The following PIK3CB variants were observed in gnomAD, a reference collection of about 807,000 sequenced individuals.
PIK3CB encodes the protein phosphatidylinositol 4,5-bisphosphate 3-kinase catalytic subunit beta isoform.
In PIK3CB, 39 loss-of-function variants were observed where a neutral mutation model predicts 136.8. The ratio of observed to expected loss-of-function variants is 0.29; its 90% CI spans 0.22 to 0.37. The LOEUF (loss-of-function observed/expected upper bound fraction) is 0.37, where lower values mean the gene tolerates loss of function less well. Ranked by LOEUF, PIK3CB falls within the 10% of genes least tolerant of loss-of-function variation. PIK3CB has a pLI of 1.00. For synonymous variants in PIK3CB, 428 were observed against 436.6 expected (o/e 0.98, Z 0.25); for missense variants, 868 against 1,275.4 (o/e 0.68, Z 4.87).
intron 8 of PIK3CB, among the ~76,000 whole-genome samples, chr3:138,724,861 T>G: frequency 6.6e-6 from 1 of 152,220 alleles, no homozygotes; most frequent in East Asian, 1.9e-4. Flanking sequence ...GGTAGCTTTG[T>G]TCTGACTTAT....
intron 4 of PIK3CB, among the ~76,000 whole-genome samples, chr3:138,755,396 C>T (rs182131869): frequency 1.7e-3 from 254 of 152,274 alleles, no homozygotes; most frequent in Admixed American, 3.1e-3. Flanking sequence ...AATCCCAGCA[C>T]TTTGGGGGGC....
intron 10 of PIK3CB, among the ~76,000 whole-genome samples, chr3:138,710,060 A>T: frequency 6.7e-6 from 1 of 149,598 alleles, no homozygotes; most frequent in East Asian, 2.0e-4. Flanking sequence ...GTGGTGGCGT[A>T]TGCCTATAGT....
At chr3:138,758,586 G>A (rs1020543281) in intron 3 of PIK3CB, among the ~76,000 whole-genome samples, 1 of 152,148 alleles carries the variant, frequency 6.6e-6, no homozygotes, top group Non-Finnish European at 1.5e-5. Context: ...GAAGAAGCTT[G>A]GAAAGGAGTT....
intron 2 of PIK3CB, among the ~76,000 whole-genome samples, chr3:138,790,506 T>C (rs2046035786): frequency 6.6e-6 from 1 of 151,680 alleles, no homozygotes; most frequent in African/African-American, 2.4e-5. Context: ...TCACCAATTT[T>C]TTTTTTTAAA....
chr3:138,732,604 G>A (rs2045007161), intron 8 of PIK3CB, among the ~76,000 whole-genome samples: 1 of 151,698 alleles, frequency 6.6e-6, no homozygotes, highest in African/African-American at 2.4e-5. Flanking sequence ...TAAATGTATG[G>A]GATTGAGCAA....
intron 18 of PIK3CB, among the ~76,000 whole-genome samples, chr3:138,682,365 A>C (rs2108482180): frequency 1.3e-5 from 2 of 152,098 alleles, no homozygotes; most frequent in Non-Finnish European, 2.9e-5. Context: ...TGGCCCTACT[A>C]CTCCCATAAG....
intron 1 of PIK3CB, among the ~76,000 whole-genome samples, chr3:138,801,532 G>C (rs2046175503): frequency 6.6e-6 from 1 of 151,708 alleles, no homozygotes; most frequent in Non-Finnish European, 1.5e-5. Flanking sequence ...GGAGTTAGAG[G>C]ACAGCCTGGA....
chr3:138,775,664 T>C (rs2045849486), intron 2 of PIK3CB, among the ~76,000 whole-genome samples: 1 of 152,170 alleles, frequency 6.6e-6, no homozygotes, highest in South Asian at 2.1e-4. Context: ...ACTGCCTCAC[T>C]GCCCCAGCCT....
At position 138,831,698 on chromosome 3, in the gene PIK3CB, G is replaced by A. The variant is rs184762208; in HGVS notation, c.-122+2997C>T. On this transcript the variant is annotated intron_variant, in intron 1 of 23. Coordinates refer to ENST00000674063, the MANE Select transcript of PIK3CB (RefSeq NM_006219.3). Reference sequence around the variant, plus strand: ...TCCCAGCACTTTGGGAGGCCAAGGCGGGAGGAACACGAGGTCAAAAGACTG... The same window carrying A: ...TCCCAGCACTTTGGGAGGCCAAGGCAGGAGGAACACGAGGTCAAAAGACTG... 7.5e-4 allele frequency among the ~76,000 whole-genome samples: 114 copies of A among 152,272 alleles called. 2 individuals are homozygous for A. Among genetic ancestry groups the A allele is most frequent in the Admixed American group, 7.3e-3 (111 of 15,288 alleles).
intron 16 of PIK3CB, among the ~76,000 whole-genome samples, chr3:138,685,620 G>C (rs1485251173): frequency 5.9e-5 from 9 of 151,900 alleles, no homozygotes; most frequent in African/African-American, 2.2e-4. Context: ...CATCACTCTT[G>C]TATGATATCT....
At chr3:138,748,160 C>CAA (rs772636428) in intron 4 of PIK3CB, among the ~76,000 whole-genome samples, 5 of 32,252 alleles carry the variant, frequency 1.6e-4, no homozygotes. Context: ...AAATCATACA[C>CAA]ACACACACAC....
At chr3:138,682,831 A>G (rs1311948474) in intron 18 of PIK3CB, among the ~76,000 whole-genome samples, 3 of 152,176 alleles carry the variant, frequency 2.0e-5, no homozygotes, top group Admixed American at 2.0e-4. Context: ...TGACATACAG[A>G]TGCTATAATT....
At chr3:138,832,568 C>T (rs1934081658) in intron 1 of PIK3CB, among the ~76,000 whole-genome samples, 1 of 151,964 alleles carries the variant, frequency 6.6e-6, no homozygotes, top group Non-Finnish European at 1.5e-5. Flanking sequence ...TGGCTTCCTC[C>T]TGTAATCCCA....
At chr3:138,788,981 A>C (rs71312593) in intron 2 of PIK3CB, among the ~76,000 whole-genome samples, 64 of 109,512 alleles carry the variant, frequency 5.8e-4, no homozygotes, top group South Asian at 3.7e-3. Context: ...AAAAAAAAAA[A>C]AAAAAAAAAA....
At chr3:138,693,512 C>T (rs2044054579) in intron 14 of PIK3CB, among the ~76,000 whole-genome samples, 1 of 152,108 alleles carries the variant, frequency 6.6e-6, no homozygotes, top group African/African-American at 2.4e-5. Flanking sequence ...GATTCTTCTG[C>T]CTCAGCCTCC....
chr3:138,773,008 G>A (rs1362325333), intron 2 of PIK3CB, among the ~76,000 whole-genome samples: 1 of 151,590 alleles, frequency 6.6e-6, no homozygotes, highest in Non-Finnish European at 1.5e-5. Context: ...GGCTGGTCTC[G>A]AACTCCTAAC....
intron 8 of PIK3CB, among the ~76,000 whole-genome samples, chr3:138,718,149 C>T (rs868515590): frequency 6.6e-6 from 1 of 152,332 alleles, no homozygotes; most frequent in South Asian, 2.1e-4. Context: ...TACACTCCCA[C>T]CAGCAGTGTG....
At chr3:138,727,294 A>G (rs1305754359) in intron 8 of PIK3CB, among the ~76,000 whole-genome samples, 1 of 152,236 alleles carries the variant, frequency 6.6e-6, no homozygotes, top group African/African-American at 2.4e-5. Context: ...AGGTTATACT[A>G]TATGATACTG....
At chr3:138,757,835 T>C (rs2045600820) in intron 3 of PIK3CB, among the ~76,000 whole-genome samples, 1 of 152,184 alleles carries the variant, frequency 6.6e-6, no homozygotes, top group Non-Finnish European at 1.5e-5. Flanking sequence ...GCAGCCACTG[T>C]GGAAAACAGT....
Sources: allele counts gnomAD v4.1 joint callset (sites outside exome capture counted in the v4.1 genomes callset), GRCh38; gene constraint gnomAD v4.1.1; transcripts MANE v1.5; gene names NCBI Gene and HGNC (gene_info 2026-07-23, HGNC 2026-07-21).